Variants in NTRK3 observed in about 807,000 individuals in gnomAD.
NTRK3 encodes neurotrophic receptor tyrosine kinase 3, also known as NT-3 growth factor receptor.
In NTRK3, 24 loss-of-function variants were observed where a neutral mutation model predicts 91.7. The ratio of observed to expected loss-of-function variants is 0.26; its 90% CI spans 0.19 to 0.37. NTRK3 has a LOEUF of 0.37. NTRK3 is among the 10% of genes least tolerant of loss of function. The probability of loss-of-function intolerance (pLI) is 1.00; values close to 1 mark genes in which losing one functional copy is unlikely to be tolerated. For missense variants in NTRK3, 880 were observed against 1,068.9 expected (o/e 0.82, Z 2.46); for synonymous variants, 483 against 404.0 (o/e 1.20, Z -2.34).
At chr15:88,205,269 C>A (rs772475079) in intron 3 of NTRK3, among the ~76,000 whole-genome samples, 2 of 152,106 alleles carry the variant, frequency 1.3e-5, no homozygotes, top group African/African-American at 2.4e-5. Context: ...CAAGGGATGA[C>A]AGACTTCCCT....
intron 14 of NTRK3, among the ~76,000 whole-genome samples, chr15:87,990,490 G>C (rs1368689189): frequency 6.6e-6 from 1 of 151,954 alleles, no homozygotes; most frequent in African/African-American, 2.4e-5. Context: ...TCTTGTTTTG[G>C]GGCCCAGCCA....
chr15:88,088,321 G>T (rs2048696339), intron 13 of NTRK3, among the ~76,000 whole-genome samples: 1 of 152,156 alleles, frequency 6.6e-6, no homozygotes. Context: ...TTGTTGCTAT[G>T]AGTATTAGAA....
intron 16 of NTRK3, 74 bp downstream of exon 16, chr15:87,932,938 T>A: frequency 2.7e-6 from 4 of 1,508,368 alleles, no homozygotes; most frequent in Non-Finnish European, 3.7e-6. Flanking sequence ...GTAGTATAAT[T>A]TCTGGCTCCA....
intron 10 of NTRK3, 25 bp downstream of exon 10, chr15:88,135,076 T>C (rs2041746767): frequency 6.2e-7 from 1 of 1,613,910 alleles, no homozygotes; most frequent in African/African-American, 1.3e-5. Context: ...TCCATACACC[T>C]CCGATCCAGC....
chr15:88,016,921 T>A (rs1017825643), intron 14 of NTRK3, among the ~76,000 whole-genome samples: 1 of 142,698 alleles, frequency 7.0e-6, no homozygotes, highest in African/African-American at 2.6e-5. Flanking sequence ...GAATATACCC[T>A]TTCAGACAGA....
chr15:88,099,332 G>A (rs1359949520), intron 13 of NTRK3: 7 of 206,566 alleles, frequency 3.4e-5, no homozygotes, highest in Non-Finnish European at 6.9e-5. Context: ...AGATGATTTG[G>A]AGAAGGAACA....
chr15:88,107,306 G>A (rs2050824322), intron 13 of NTRK3, among the ~76,000 whole-genome samples: 1 of 152,054 alleles, frequency 6.6e-6, no homozygotes, highest in Non-Finnish European at 1.5e-5. Flanking sequence ...AGCCAGGCAG[G>A]GCAGCATGTG....
chr15:88,036,195 C>T (rs1210883343), intron 13 of NTRK3, among the ~76,000 whole-genome samples: 1 of 152,036 alleles, frequency 6.6e-6, no homozygotes, highest in Non-Finnish European at 1.5e-5. Context: ...CACATACACG[C>T]ACATACACAC....
chr15:88,105,805 C>A (rs886440266), intron 13 of NTRK3, among the ~76,000 whole-genome samples: 2 of 152,140 alleles, frequency 1.3e-5, no homozygotes, highest in Non-Finnish European at 1.5e-5. Context: ...CACGTGGAGT[C>A]CCTGTGCCAA....
chr15:88,222,966 G>C (rs1192274291), intron 3 of NTRK3, among the ~76,000 whole-genome samples: 5 of 152,200 alleles, frequency 3.3e-5, no homozygotes, highest in African/African-American at 9.7e-5. Flanking sequence ...GCCTCACACT[G>C]GGCTGAGAGC....
chr15:87,941,054 G>A (rs1394033425), intron 14 of NTRK3, among the ~76,000 whole-genome samples: 1 of 152,178 alleles, frequency 6.6e-6, no homozygotes, highest in African/African-American at 2.4e-5. Context: ...TCATTAGCCA[G>A]AGTTGTTGGA....
In NTRK3 at chr15:87,868,696, G is replaced by A. The variant is rs1567050249; in HGVS notation, c.*8239C>T. 8 of 219,916 alleles carry A rather than the reference G, an allele frequency of 3.6e-5. No homozygotes were observed. The South Asian group carries it at 1.5e-3, about 41-fold the overall frequency. The allele number at this position is 219,916 out of a possible 1,614,324, so 13.6% of individuals were successfully genotyped here. ...GCAGAAAAGTTGCAATTTCAGCTTT[G>A]AGGTTCTATGTGGCTGTTGTGCCAC... is the stretch of plus-strand genomic sequence containing the variant. On this transcript the variant is annotated 3_prime_UTR_variant, in exon 19 of 19. Transcript: ENST00000394480.
exon 19 of NTRK3, chr15:87,863,132 T>C (rs1399124295): frequency 4.3e-6 from 1 of 230,632 alleles, no homozygotes; most frequent in Non-Finnish European, 8.6e-6. Flanking sequence ...TGTTTCTTTC[T>C]ACTTCTCTGA....
rs191074458 is a variant in NTRK3 at position 88,143,154 on chromosome 15, C to A, written c.464+4181G>T. Among the ~76,000 whole-genome samples the A allele has an allele frequency of 3.6e-3, 549 of 152,168 alleles. 2 individuals carry two copies. Among genetic ancestry groups the A allele is most frequent in the Admixed American group, 9.8e-3 (150 of 15,276 alleles). On this transcript the variant is annotated intron_variant, in intron 6 of 18. Transcript: ENST00000394480. ...AGGAGAATCACTTGGACCTGGGAGG[C>A]GGAGGTTGCAGTGAGCCAAGATCAT...
At chr15:88,046,421 C>T (rs2080203041) in intron 13 of NTRK3, among the ~76,000 whole-genome samples, 1 of 152,108 alleles carries the variant, frequency 6.6e-6, no homozygotes, top group African/African-American at 2.4e-5. Context: ...ACAGGTGGGA[C>T]ACACAAATAA....
chr15:88,025,179 C>T (rs141337198), intron 14 of NTRK3, among the ~76,000 whole-genome samples: 9 of 152,318 alleles, frequency 5.9e-5, no homozygotes, highest in Admixed American at 5.2e-4. Flanking sequence ...ATGCAATGAA[C>T]CTCACTTGGT....
chr15:87,875,363 C>A (rs530601808), exon 19 of NTRK3: 29 of 231,164 alleles, frequency 1.3e-4, no homozygotes, highest in Non-Finnish European at 2.2e-4. Flanking sequence ...ACAGGGAGGC[C>A]CAGAGGTCGG....
intron 14 of NTRK3, among the ~76,000 whole-genome samples, chr15:87,996,524 G>T (rs2075718144): frequency 6.6e-6 from 1 of 152,152 alleles, no homozygotes; most frequent in African/African-American, 2.4e-5. Context: ...CTGCTCCAGG[G>T]TTCTCCAGTG....
At chr15:88,176,333 C>T (rs1201278154) in intron 5 of NTRK3, among the ~76,000 whole-genome samples, 1 of 152,082 alleles carries the variant, frequency 6.6e-6, no homozygotes, top group Non-Finnish European at 1.5e-5. Flanking sequence ...GACGGGGTTT[C>T]ACCATGTTGG....
Sources: gnomAD v4.1 joint callset for allele counts (sites outside exome capture counted in the v4.1 genomes callset) on GRCh38, gnomAD v4.1.1 for gene constraint, MANE v1.5 for transcripts, NCBI Gene and HGNC (gene_info 2026-07-23, HGNC 2026-07-21) for gene names.